LRP1B: variants seen among roughly 807,000 people sequenced by gnomAD.
LRP1B encodes low-density lipoprotein receptor-related protein 1B.
Under a neutral mutation model 556.6 loss-of-function variants are expected in LRP1B, and 217 were observed. That is an observed-to-expected ratio of 0.39 (90% CI 0.35 to 0.44). The LOEUF is 0.44. Among genes scored for constraint, LRP1B ranks in the 20% least tolerant of loss-of-function variants. The pLI is 1.00. For missense variants in LRP1B, 5,053 were observed against 5,620.8 expected (o/e 0.90, Z 3.23); for synonymous variants, 2,047 against 1,865.8 (o/e 1.10, Z -2.50).
chr2:141,728,673 G>A (rs769610498), intron 2 of LRP1B, among the ~76,000 whole-genome samples: 38 of 151,964 alleles, frequency 2.5e-4, no homozygotes, highest in Admixed American at 1.3e-4. Flanking sequence ...AATACTTTGG[G>A]CCTCCTAGTA....
intron 2 of LRP1B, among the ~76,000 whole-genome samples, chr2:141,599,971 C>T (rs977997481): frequency 2.0e-5 from 3 of 152,120 alleles, no homozygotes; most frequent in African/African-American, 7.2e-5. Flanking sequence ...CACACCCACA[C>T]CTTTCACTGT....
At chr2:141,982,593 T>C (rs10197277) in intron 1 of LRP1B, among the ~76,000 whole-genome samples, 90,536 of 152,010 alleles carry the variant, frequency 0.6, 27,554 homozygotes, top group African/African-American at 0.7. Flanking sequence ...TATTATGATC[T>C]TTTTACAGAA....
intron 41 of LRP1B, among the ~76,000 whole-genome samples, chr2:140,686,728 T>C (rs1686064710): frequency 6.6e-6 from 1 of 151,856 alleles, no homozygotes; most frequent in Non-Finnish European, 1.5e-5. Flanking sequence ...ACATAATAAA[T>C]AATGAGGGTC....
intron 1 of LRP1B, among the ~76,000 whole-genome samples, chr2:141,942,545 T>A (rs1355806868): frequency 1.3e-5 from 2 of 151,990 alleles, no homozygotes; most frequent in East Asian, 3.9e-4. Context: ...AACAAAACCA[T>A]ACCCTGGTGC....
chr2:140,325,161 C>A (rs2105062528), intron 80 of LRP1B, among the ~76,000 whole-genome samples: 1 of 151,836 alleles, frequency 6.6e-6, no homozygotes, highest in African/African-American at 2.4e-5. Flanking sequence ...CTGAGACAGC[C>A]AGGCAGAGAA....
intron 3 of LRP1B, among the ~76,000 whole-genome samples, chr2:141,388,550 A>T (rs1341622871): frequency 2.0e-5 from 3 of 152,190 alleles, no homozygotes; most frequent in Non-Finnish European, 4.4e-5. Context: ...CAGCTAACAT[A>T]ACTAACTCAA....
intron 3 of LRP1B, among the ~76,000 whole-genome samples, chr2:141,393,652 T>C (rs544728282): frequency 1.1e-4 from 16 of 152,292 alleles, no homozygotes; most frequent in Admixed American, 9.8e-4. Flanking sequence ...AGGCTTGGAC[T>C]GGGTCGGCTA....
At chr2:140,380,504 A>G (rs1683425257) in intron 67 of LRP1B, among the ~76,000 whole-genome samples, 1 of 152,228 alleles carries the variant, frequency 6.6e-6, no homozygotes, top group Non-Finnish European at 1.5e-5. Flanking sequence ...GAAAGAAATT[A>G]TAGTGAAATA....
At chr2:141,199,835 C>T (rs1368194362) in intron 6 of LRP1B, among the ~76,000 whole-genome samples, 1 of 152,172 alleles carries the variant, frequency 6.6e-6, no homozygotes, top group African/African-American at 2.4e-5. Context: ...CTCAACATCA[C>T]TGACCACTGG....
At chr2:140,700,853 C>T (rs1285265024) in intron 40 of LRP1B, among the ~76,000 whole-genome samples, 1 of 152,004 alleles carries the variant, frequency 6.6e-6, no homozygotes, top group Non-Finnish European at 1.5e-5. Context: ...ATTCACCATC[C>T]AAGTTAAGCA....
chr2:142,117,786 T>C (rs1297219495), intron 1 of LRP1B, among the ~76,000 whole-genome samples: 1 of 152,188 alleles, frequency 6.6e-6, no homozygotes, highest in African/African-American at 2.4e-5. Flanking sequence ...CAGAGTCTGC[T>C]CAAGTTGAAT....
intron 60 of LRP1B, among the ~76,000 whole-genome samples, chr2:140,458,401 G>A (rs1247783529): frequency 6.6e-6 from 1 of 152,052 alleles, no homozygotes; most frequent in East Asian, 1.9e-4. Flanking sequence ...TGAATCCAGG[G>A]TCCTATCCAG....
intron 41 of LRP1B, among the ~76,000 whole-genome samples, chr2:140,686,494 TTAAAATAATAATCATTATTA>T (rs1559054762): frequency 6.6e-6 from 1 of 151,770 alleles, no homozygotes; most frequent in Non-Finnish European, 1.5e-5. Flanking sequence ...AAATAAAAAT[TTAAAATAATAATCATTATTA>T]TAAAATAATA....
rs531844654 is a variant in LRP1B, at chr2:140,849,816, C to T, written c.4939+286G>A. ...CGGCCTCCCAAAGTGCCGGGATTAC[C>T]GCTGTGAGCCACCGTGCCCAGCCGA... On this transcript the variant is annotated intron_variant, in intron 29 of 90. Coordinates refer to ENST00000389484, the MANE Select transcript of LRP1B (RefSeq NM_018557.3). 9.9e-5 allele frequency among the ~76,000 whole-genome samples: 15 copies of T among 152,064 alleles called. No homozygotes were observed. The South Asian group carries it at 2.1e-3, about 21-fold the overall frequency.
intron 27 of LRP1B, among the ~76,000 whole-genome samples, chr2:140,855,568 T>TC (rs1470595811): frequency 3.3e-5 from 5 of 151,580 alleles, no homozygotes; most frequent in African/African-American, 2.4e-5. Flanking sequence ...TATTAATGTT[T>TC]CCCCCAAGAA....
intron 17 of LRP1B, among the ~76,000 whole-genome samples, chr2:140,983,739 A>G (rs1457034823): frequency 2.6e-5 from 4 of 152,090 alleles, no homozygotes; most frequent in African/African-American, 9.7e-5. Context: ...AATTAGAAAT[A>G]TCAGGAAAAT....
At chr2:142,021,297 T>C (rs1703322095) in intron 1 of LRP1B, among the ~76,000 whole-genome samples, 2 of 151,782 alleles carry the variant, frequency 1.3e-5, no homozygotes, top group South Asian at 2.1e-4. Flanking sequence ...TTTTAAAAAA[T>C]CTTCCTCTGT....
chr2:141,184,210 A>G (rs950761288), intron 7 of LRP1B, among the ~76,000 whole-genome samples: 1 of 152,094 alleles, frequency 6.6e-6, no homozygotes, highest in Non-Finnish European at 1.5e-5. Context: ...CTTGAAAGTA[A>G]TCCAAATATA....
At chr2:140,801,432 G>A (rs1013790775) in intron 32 of LRP1B, among the ~76,000 whole-genome samples, 6 of 152,142 alleles carry the variant, frequency 3.9e-5, no homozygotes, top group Non-Finnish European at 8.8e-5. Flanking sequence ...CCCGGATGTA[G>A]TGCACATGAC....
Sources: gnomAD v4.1 joint callset for allele counts (sites outside exome capture counted in the v4.1 genomes callset) on GRCh38, gnomAD v4.1.1 for gene constraint, MANE v1.5 for transcripts, NCBI Gene and HGNC (gene_info 2026-07-23, HGNC 2026-07-21) for gene names.